The following CHODL variants were observed in gnomAD, a reference collection of about 807,000 sequenced individuals.
CHODL encodes the protein chondrolectin.
Under a neutral mutation model 34.5 loss-of-function variants are expected in CHODL, and 29 were observed. That is an observed-to-expected ratio of 0.84 (90% confidence interval 0.63 to 1.15). The LOEUF is 1.15. CHODL is among the 50% of genes most tolerant of loss of function. The pLI, the probability that CHODL is intolerant of heterozygous loss-of-function variation, is 0.00. For missense variants in CHODL, 332 were observed against 332.5 expected (o/e 1.00, Z 0.01); for synonymous variants, 125 against 116.1 (o/e 1.08, Z -0.49).
intron 2 of CHODL, among the ~76,000 whole-genome samples, chr21:18,087,021 A>G (rs898732894): frequency 3.3e-5 from 5 of 152,172 alleles, no homozygotes; most frequent in Admixed American, 6.5e-5. Flanking sequence ...GCTAGTCCCC[A>G]ATCCTACAGT....
chr21:18,238,565 A>G (rs981081007), intron 2 of CHODL, among the ~76,000 whole-genome samples: 7 of 152,074 alleles, frequency 4.6e-5, no homozygotes, highest in African/African-American at 1.4e-4. Flanking sequence ...TTGGGTGGGG[A>G]CACAGAGCCA....
Position 18,261,718 on chromosome 21 carries a change from T to G in CHODL, c.635-1073T>G, listed in dbSNP as rs569887600. ...ACATTAGAAATACTTTTTTCTCTTT[T>G]GAAATTGAGCAGATGTTTATTAATT... On this transcript the variant is annotated intron_variant, in intron 4 of 5. Transcript: ENST00000299295. 5.3e-5 allele frequency among the ~76,000 whole-genome samples: 8 copies of G among 152,274 alleles called. No homozygotes were observed. The East Asian group carries it at 5.8e-4, about 11-fold the overall frequency.
At chr21:18,099,470 C>T (rs2065184459) in intron 2 of CHODL, among the ~76,000 whole-genome samples, 1 of 151,394 alleles carries the variant, frequency 6.6e-6, no homozygotes. Flanking sequence ...TTTCCAAAGT[C>T]CAGCAAATAC....
At chr21:18,122,437 C>T (rs183433455) in intron 2 of CHODL, among the ~76,000 whole-genome samples, 19 of 152,130 alleles carry the variant, frequency 1.2e-4, no homozygotes, top group East Asian at 9.6e-4. Context: ...CATATTGTTG[C>T]GCCATTTTCT....
chr21:18,222,217 G>A (rs1418752363), intron 2 of CHODL, among the ~76,000 whole-genome samples: 3 of 152,130 alleles, frequency 2.0e-5, no homozygotes, highest in Non-Finnish European at 4.4e-5. Context: ...CCTCCCTGAT[G>A]TGCTGGACTG....
Position 17,921,500 on chromosome 21 carries a change from A to G in CHODL, c.-145+4100A>G, listed in dbSNP as rs148917793. ...TTCTTCCTTTGCTACTTGGCAGGTGAGAGGTACAGTATCTAGAATAGGATG... is the reference window on the plus strand; with the variant it reads ...TTCTTCCTTTGCTACTTGGCAGGTGGGAGGTACAGTATCTAGAATAGGATG... On this transcript the variant is annotated intron_variant, in intron 1 of 6. Transcript: ENST00000400127. Among the ~76,000 whole-genome samples, 1,221 of 152,256 alleles carry G rather than the reference A, an allele frequency of 8.0e-3. 18 individuals are homozygous for G. Among genetic ancestry groups the G allele is most frequent in the African/African-American group, 0.027 (1,123 of 41,538 alleles).
chr21:18,231,510 G>A (rs1045032324), intron 2 of CHODL, among the ~76,000 whole-genome samples: 3 of 151,096 alleles, frequency 2.0e-5, no homozygotes, highest in African/African-American at 7.3e-5. Flanking sequence ...GCATTGAACT[G>A]GCCATTCAAA....
chr21:18,167,375 T>G (rs1438536272), intron 2 of CHODL, among the ~76,000 whole-genome samples: 1 of 150,094 alleles, frequency 6.7e-6, no homozygotes, highest in East Asian at 2.0e-4. Flanking sequence ...AGTGGTGTGA[T>G]CTCAGCTCAC....
chr21:18,011,329 A>G (rs1294160696), intron 1 of CHODL, among the ~76,000 whole-genome samples: 1 of 152,186 alleles, frequency 6.6e-6, no homozygotes, highest in Non-Finnish European at 1.5e-5. Flanking sequence ...AGTTTGTTGT[A>G]ATCAGTGCTA....
chr21:18,049,061 G>A (rs963350232), intron 2 of CHODL, among the ~76,000 whole-genome samples: 9 of 151,870 alleles, frequency 5.9e-5, no homozygotes, highest in Non-Finnish European at 1.0e-4. Flanking sequence ...AGTATTTTCT[G>A]TTTGGGAAAT....
intron 1 of CHODL, among the ~76,000 whole-genome samples, chr21:17,936,772 C>T (rs1024454132): frequency 6.6e-6 from 1 of 151,992 alleles, no homozygotes; most frequent in African/African-American, 2.4e-5. Context: ...GAGTAAATAT[C>T]TATTAAAATT....
At chr21:18,218,711 C>T (rs1373363264) in intron 2 of CHODL, among the ~76,000 whole-genome samples, 1 of 152,094 alleles carries the variant, frequency 6.6e-6, no homozygotes, top group Non-Finnish European at 1.5e-5. Flanking sequence ...TCCTCTTGAA[C>T]ACTTCACTGC....
In CHODL at chr21:17,938,473, TTTTTTTTTTTTTTTTTTTTTAAG is replaced by T. The variant is rs1325663348; in HGVS notation, c.-145+21074_-145+21096del. Among the ~76,000 whole-genome samples, 4 of 1,306 alleles carry T rather than the reference TTTTTTTTTTTTTTTTTTTTTAAG, an allele frequency of 3.1e-3. 2 individuals carry two copies. Among genetic ancestry groups the T allele is most frequent in the Admixed American group, 0.012 (2 of 168 alleles). The allele number at this position is 1,306 out of a possible 152,430, so 0.9% of individuals were successfully genotyped here. ...TGGAAACCCACATTCTTTTTTTTTTTTTTTTTTTTTTTTTTTTTTTAAGGAAAGGGAGTCTCGCTCCATCGCCC... is the reference window on the plus strand; with the variant it reads ...TGGAAACCCACATTCTTTTTTTTTTTGAAAGGGAGTCTCGCTCCATCGCCC... On this transcript the variant is annotated intron_variant, in intron 1 of 6. Coordinates refer to the CHODL transcript ENST00000400127.
intron 1 of CHODL, among the ~76,000 whole-genome samples, chr21:17,974,778 C>T (rs1434138773): frequency 6.6e-6 from 1 of 151,420 alleles, no homozygotes; most frequent in Non-Finnish European, 1.5e-5. Flanking sequence ...CTTTGCAAAA[C>T]AAAACATCTT....
At chr21:18,239,502 A>G (rs2074061392) in intron 2 of CHODL, among the ~76,000 whole-genome samples, 1 of 152,026 alleles carries the variant, frequency 6.6e-6, no homozygotes, top group African/African-American at 2.4e-5. Flanking sequence ...GTTTATTGCT[A>G]TTATGGCTGG....
chr21:18,134,350 G>T (rs773071497), intron 2 of CHODL: 1 of 517,708 alleles, frequency 1.9e-6, no homozygotes, highest in Non-Finnish European at 3.9e-6. Flanking sequence ...TCACTTTTTA[G>T]TCCACTGAGT....
intron 1 of CHODL, among the ~76,000 whole-genome samples, chr21:18,248,599 A>T (rs1169950661): frequency 4.4e-5 from 6 of 135,360 alleles, no homozygotes; most frequent in Admixed American, 8.1e-5. Context: ...TATATATATA[A>T]AATATATGTA....
intron 1 of CHODL, among the ~76,000 whole-genome samples, chr21:17,946,948 A>G (rs1189313488): frequency 6.6e-6 from 1 of 151,972 alleles, no homozygotes; most frequent in Non-Finnish European, 1.5e-5. Context: ...CTATCTTCCT[A>G]TCTTCCTTTG....
intron 1 of CHODL, among the ~76,000 whole-genome samples, chr21:17,951,323 G>C (rs2063455796): frequency 6.6e-6 from 1 of 152,160 alleles, no homozygotes; most frequent in African/African-American, 2.4e-5. Context: ...GGCAGGTATG[G>C]TTGGATTCTG....
Sources: gnomAD v4.1 joint callset for allele counts (sites outside exome capture counted in the v4.1 genomes callset) on GRCh38, gnomAD v4.1.1 for gene constraint, MANE v1.5 for transcripts, NCBI Gene and HGNC (gene_info 2026-07-23, HGNC 2026-07-21) for gene names.